The following THEM4 variants were observed in gnomAD, a reference collection of about 807,000 sequenced individuals.
The protein encoded by THEM4 is thioesterase superfamily member 4, also known as acyl-coenzyme A thioesterase THEM4.
THEM4 carries 22 observed loss-of-function variants against 25.0 expected under a neutral mutation model. That is an observed-to-expected ratio of 0.88 (90% CI 0.63 to 1.26). The LOEUF (loss-of-function observed/expected upper bound fraction) is 1.26, where lower values mean the gene tolerates loss of function less well. Among genes scored for constraint, THEM4 ranks in the 50% most tolerant of loss-of-function variants. The pLI is 0.00. For synonymous variants in THEM4, 113 were observed against 105.6 expected (o/e 1.07, Z -0.43); for missense variants, 286 against 300.3 (o/e 0.95, Z 0.35).
chr1:151,877,462 G>A (rs1177878164), intron 4 of THEM4, among the ~76,000 whole-genome samples: 2 of 152,216 alleles, frequency 1.3e-5, no homozygotes, highest in Admixed American at 6.5e-5. Context: ...GAGCTGAAAT[G>A]CTTTAAAGAA....
chr1:151,881,837 G>A (rs1653826634), intron 4 of THEM4, among the ~76,000 whole-genome samples: 1 of 152,026 alleles, frequency 6.6e-6, no homozygotes, highest in South Asian at 2.1e-4. Flanking sequence ...TTTCTATATT[G>A]TCAATTCATG....
At chr1:151,889,778 T>C (rs1364828953) in intron 2 of THEM4, 2 of 163,912 alleles carry the variant, frequency 1.2e-5, no homozygotes, top group African/African-American at 4.8e-5. Context: ...AGACATGAGT[T>C]GAGTCTGAAT....
At chr1:151,882,372 CAAAAAA>C (rs35928322) in intron 4 of THEM4, among the ~76,000 whole-genome samples, 1 of 105,000 alleles carries the variant, frequency 9.5e-6, no homozygotes. Flanking sequence ...GACTCCATCT[CAAAAAA>C]AAAAAAAAAA....
At chr1:151,884,678 C>CTT (rs1393102218) in intron 4 of THEM4, among the ~76,000 whole-genome samples, 1 of 95,560 alleles carries the variant, frequency 1.0e-5, no homozygotes, top group Non-Finnish European at 2.1e-5. Flanking sequence ...CTTTCATTTC[C>CTT]TTTTTTTTGT....
At chr1:151,898,935 C>T (rs1018942329) in intron 1 of THEM4, among the ~76,000 whole-genome samples, 13 of 152,234 alleles carry the variant, frequency 8.5e-5, no homozygotes, top group African/African-American at 3.1e-4. Context: ...ATCTGAACAA[C>T]AGCCTTCAGC....
In THEM4 at chr1:151,909,378, G is replaced by T; in HGVS notation, c.81C>A (p.Ser27Arg). Residue 27 changes from serine (S) to arginine (R), a missense_variant, in exon 1 of 6, where the codon AGC (serine) becomes AGA (arginine). Coordinates refer to ENST00000368814, the MANE Select transcript of THEM4 (RefSeq NM_053055.5). The part of the protein sequence containing the change: ...LPPVGRRLPG[S>R]EPRPELRSFS... ...GACTCACCAGCTCGGGTCGCGGCTCGCTTCCCGGCAGGCGCCGGCCTACTG... is the reference window on the plus strand; with the variant it reads ...GACTCACCAGCTCGGGTCGCGGCTCTCTTCCCGGCAGGCGCCGGCCTACTG... The T allele has an allele frequency of 1.3e-6, 2 of 1,507,050 alleles. No individual in the cohort carries two copies. The highest frequency in any genetic ancestry group is 1.8e-6 in the Non-Finnish European group (2 of 1,133,972). The allele number at this position is 1,507,050 out of a possible 1,614,324, so 93.4% of individuals were successfully genotyped here. A position where few individuals can be genotyped will look rare whatever the true frequency, so the allele number is the denominator to read the frequency against.
chr1:151,886,544 T>C (rs1347343923), intron 4 of THEM4, among the ~76,000 whole-genome samples: 1 of 152,158 alleles, frequency 6.6e-6, no homozygotes, highest in Non-Finnish European at 1.5e-5. Context: ...TAATATATTC[T>C]TTAACATGTT....
rs1483984614 is a variant in THEM4 at position 151,873,129 on chromosome 1, C to T, written c.*1759G>A. On this transcript the variant is annotated 3_prime_UTR_variant, in exon 6 of 6. Coordinates refer to ENST00000368814, the MANE Select transcript of THEM4 (RefSeq NM_053055.5). ...GCGGCAATGCTGCTGTTACTCTTTG[C>T]TACACTGAGATGTTTGGGTGGAGAG... Among the ~76,000 whole-genome samples, 4 of 152,184 alleles carry T rather than the reference C, an allele frequency of 2.6e-5. No individual in the cohort carries two copies. Among genetic ancestry groups the T allele is most frequent in the African/African-American group, 9.7e-5 (4 of 41,428 alleles).
In THEM4 at chr1:151,872,174, G is replaced by C. The variant is rs6684312; in HGVS notation, c.*2714C>G. Among the ~76,000 whole-genome samples, 1 of 151,946 alleles carries C rather than the reference G, an allele frequency of 6.6e-6. No homozygotes were observed. The highest frequency in any genetic ancestry group is 1.5e-5 in the Non-Finnish European group (1 of 67,968). ...CATGTCTGCTGGGCCCTTGCAACTTGAGAACTGGAGTTGGGCACTAGAGAC... is the reference window on the plus strand; with the variant it reads ...CATGTCTGCTGGGCCCTTGCAACTTCAGAACTGGAGTTGGGCACTAGAGAC... On this transcript the variant is annotated 3_prime_UTR_variant, in exon 6 of 6. Coordinates refer to ENST00000368814, the MANE Select transcript of THEM4 (RefSeq NM_053055.5).
chr1:151,880,461 G>C (rs1343704644), intron 4 of THEM4, among the ~76,000 whole-genome samples: 1 of 151,868 alleles, frequency 6.6e-6, no homozygotes, highest in African/African-American at 2.4e-5. Context: ...CTGGGTGACA[G>C]AGCGAGACTC....
chr1:151,905,455 G>C (rs74126714), intron 1 of THEM4, among the ~76,000 whole-genome samples: 1 of 151,728 alleles, frequency 6.6e-6, no homozygotes, highest in African/African-American at 2.4e-5. Context: ...TGTGTTTGGC[G>C]CTCAAATATG....
At chr1:151,881,893 A>C (rs1157022115) in intron 4 of THEM4, among the ~76,000 whole-genome samples, 1 of 152,182 alleles carries the variant, frequency 6.6e-6, no homozygotes, top group Non-Finnish European at 1.5e-5. Flanking sequence ...TTCCTTAAAT[A>C]CTGGATCTCT....
At position 151,873,849 on chromosome 1, in the gene THEM4, C is replaced by G. The variant is rs1351451785; in HGVS notation, c.*1039G>C. Reference sequence around the variant, plus strand: ...AGCCAGGAGGGAGGCGTGGACAGCTCCTTCCCTAGCACTTTCAGGAGAATG... The same window carrying G: ...AGCCAGGAGGGAGGCGTGGACAGCTGCTTCCCTAGCACTTTCAGGAGAATG... On this transcript the variant is annotated 3_prime_UTR_variant, in exon 6 of 6. Transcript: ENST00000368814. 3 of 152,174 alleles carry G rather than the reference C, an allele frequency of 2.0e-5. No individual in the cohort carries two copies. 9.4% of individuals were successfully genotyped at this position (152,174 alleles called of 1,614,324 possible).
intron 4 of THEM4, among the ~76,000 whole-genome samples, chr1:151,885,879 T>G (rs763901148): frequency 6.6e-6 from 1 of 152,248 alleles, no homozygotes; most frequent in Non-Finnish European, 1.5e-5. Flanking sequence ...ATCTGATGAT[T>G]AATTGACACT....
intron 4 of THEM4, among the ~76,000 whole-genome samples, chr1:151,886,013 A>C (rs1653959618): frequency 6.6e-6 from 1 of 152,194 alleles, no homozygotes; most frequent in African/African-American, 2.4e-5. Context: ...ACTGTATACA[A>C]AAAAACAGAG....
intron 1 of THEM4, among the ~76,000 whole-genome samples, chr1:151,895,607 G>A (rs1468384425): frequency 6.6e-6 from 1 of 151,988 alleles, no homozygotes; most frequent in Admixed American, 6.6e-5. Flanking sequence ...TAGGATTAGG[G>A]GTTCAGGAAG....
intron 2 of THEM4, chr1:151,890,184 C>G (rs539108318): frequency 2.2e-6 from 1 of 457,338 alleles, no homozygotes; most frequent in Non-Finnish European, 4.4e-6. Flanking sequence ...GGATTATAGG[C>G]GTGAGCCACA....
rs1459159001 is a variant in THEM4, at chr1:151,893,435, A to T, written c.286+1573T>A. ...AAAAAACCCAAAACAAAAGAGAGAG[A>T]GAGAGAGAGACTGGGAAGAGAGAAA... On this transcript the variant is annotated intron_variant, in intron 2 of 5. Transcript: ENST00000368814. Among the ~76,000 whole-genome samples, 61 of 151,838 alleles carry T rather than the reference A, an allele frequency of 4.0e-4. 1 individual carries two copies. Among genetic ancestry groups the T allele is most frequent in the Admixed American group, 3.9e-3 (60 of 15,236 alleles).
Position 151,890,840 on chromosome 1 carries a change from CCATA to C in THEM4, c.287-1471_287-1468del, listed in dbSNP as rs1393344030. ...CTCACTCTTTTGCACTACACTTTAT[CCATA>C]CAATGAGGAGATAAAACAAAATGAG... On this transcript the variant is annotated intron_variant, in intron 2 of 5. Transcript: ENST00000368814. The C allele has an allele frequency of 9.9e-5, 15 of 152,274 alleles. No individual in the cohort carries two copies. In the East Asian group the frequency reaches 2.5e-3, roughly 25 times the overall value. The allele number at this position is 152,274 out of a possible 1,614,324, so 9.4% of individuals were successfully genotyped here.
Sources: gnomAD v4.1 joint callset for allele counts (sites outside exome capture counted in the v4.1 genomes callset) on GRCh38, gnomAD v4.1.1 for gene constraint, MANE v1.5 for transcripts, NCBI Gene and HGNC (gene_info 2026-07-23, HGNC 2026-07-21) for gene names.